Variants in ATRNL1 observed in about 807,000 individuals in gnomAD.
ATRNL1 encodes attractin-like protein 1.
Under a neutral mutation model 182.7 loss-of-function variants are expected in ATRNL1, and 95 were observed. The ratio of observed to expected loss-of-function variants is 0.52; its 90% confidence interval spans 0.44 to 0.62. The LOEUF (loss-of-function observed/expected upper bound fraction) is 0.62. ATRNL1 is among the 20% of genes least tolerant of loss of function. The probability of loss-of-function intolerance (pLI) is 0.00; values close to 1 mark genes in which losing one functional copy is unlikely to be tolerated. For synonymous variants in ATRNL1, 576 were observed against 568.3 expected (o/e 1.01, Z -0.19); for missense variants, 1,471 against 1,679.5 (o/e 0.88, Z 2.17).
intron 10 of ATRNL1, among the ~76,000 whole-genome samples, chr10:115,257,303 T>G (rs1211833675): frequency 6.6e-6 from 1 of 152,208 alleles, no homozygotes; most frequent in Non-Finnish European, 1.5e-5. Context: ...TTTATCAGTC[T>G]GGGTGCTCCT....
rs1265012490 is a variant in ATRNL1 at position 115,469,239 on chromosome 10, T to C, written c.3564T>C (p.Ser1188=). ...SKNNIKEYRD[S]FSYEKFNFRS... is the part of the protein sequence containing the mutation. ...ATAATATAAAGGAATACAGAGATAG[T>C]TTTTCCTATGAAAAATTTAACTTTA... The change falls in exon 24 of 29, where the codon AGT becomes AGC. Residue 1188 remains serine, a synonymous_variant. Transcript: ENST00000355044. The C allele has an allele frequency of 1.3e-6, 2 of 1,494,254 alleles. No individual in the cohort carries two copies. The highest frequency in any genetic ancestry group is 1.8e-6 in the Non-Finnish European group (2 of 1,107,442). The allele number at this position is 1,494,254 out of a possible 1,614,324, so 92.6% of individuals were successfully genotyped here.
At chr10:115,395,221 T>A (rs1554955259) in intron 20 of ATRNL1, among the ~76,000 whole-genome samples, 1 of 152,002 alleles carries the variant, frequency 6.6e-6, no homozygotes. Context: ...CCATGGTGTA[T>A]GTGGACCACA....
intron 25 of ATRNL1, among the ~76,000 whole-genome samples, chr10:115,538,482 A>G (rs1466804955): frequency 6.6e-6 from 1 of 152,036 alleles, no homozygotes; most frequent in Non-Finnish European, 1.5e-5. Flanking sequence ...CTTATTAGTT[A>G]TACTTTCATT....
intron 28 of ATRNL1, among the ~76,000 whole-genome samples, chr10:115,932,179 A>G (rs1011259592): frequency 6.6e-6 from 1 of 152,216 alleles, no homozygotes; most frequent in Non-Finnish European, 1.5e-5. Context: ...TCAGATTCTC[A>G]AAATTGCTTC....
intron 5 of ATRNL1, among the ~76,000 whole-genome samples, chr10:115,155,660 C>T (rs1403106150): frequency 1.3e-5 from 2 of 151,994 alleles, no homozygotes; most frequent in Non-Finnish European, 2.9e-5. Context: ...TATACTGAGG[C>T]TAATCATTAG....
At chr10:115,267,153 A>T (rs1851642262) in intron 12 of ATRNL1, 148 bp downstream of exon 12, 2 of 569,388 alleles carry the variant, frequency 3.5e-6, no homozygotes, top group East Asian at 5.7e-5. Flanking sequence ...GTTTGAACCT[A>T]GTGATTAATA....
intron 26 of ATRNL1, among the ~76,000 whole-genome samples, chr10:115,632,595 AC>A (rs1858584722): frequency 6.6e-6 from 1 of 152,156 alleles, no homozygotes; most frequent in Non-Finnish European, 1.5e-5. Context: ...TTGACAAGCA[AC>A]CTAATTTTAC....
intron 21 of ATRNL1, among the ~76,000 whole-genome samples, chr10:115,450,409 C>T (rs1449213147): frequency 3.3e-5 from 5 of 152,158 alleles, no homozygotes; most frequent in African/African-American, 1.2e-4. Context: ...AAGGCTCCTT[C>T]AACTTTTAAA....
chr10:115,683,386 A>C (rs938213710), intron 26 of ATRNL1, among the ~76,000 whole-genome samples: 4 of 151,918 alleles, frequency 2.6e-5, no homozygotes, highest in African/African-American at 9.7e-5. Context: ...TTAATTTCTC[A>C]AACATTAAGT....
intron 25 of ATRNL1, among the ~76,000 whole-genome samples, chr10:115,524,141 T>C (rs560867593): frequency 1.3e-5 from 2 of 152,278 alleles, no homozygotes; most frequent in South Asian, 4.1e-4. Flanking sequence ...CCAGCTGTCA[T>C]GGGAACATGA....
intron 21 of ATRNL1, among the ~76,000 whole-genome samples, chr10:115,452,737 A>T (rs1847338868): frequency 1.3e-5 from 2 of 152,154 alleles, no homozygotes; most frequent in African/African-American, 4.8e-5. Context: ...TTTTAAAAAT[A>T]TACAATACAG....
chr10:115,165,779 A>T (rs1592198552), intron 7 of ATRNL1, 134 bp downstream of exon 7: 1 of 419,056 alleles, frequency 2.4e-6, no homozygotes, highest in Non-Finnish European at 4.2e-6. Context: ...TGATAACTTG[A>T]GATACCACAT....
chr10:115,238,726 A>G (rs954084739), intron 9 of ATRNL1, among the ~76,000 whole-genome samples: 1 of 152,104 alleles, frequency 6.6e-6, no homozygotes, highest in Non-Finnish European at 1.5e-5. Flanking sequence ...CCCAATCTGT[A>G]TATCTTTTAT....
At chr10:115,854,277 C>T (rs1255294286) in intron 28 of ATRNL1, among the ~76,000 whole-genome samples, 2 of 152,224 alleles carry the variant, frequency 1.3e-5, no homozygotes, top group Non-Finnish European at 2.9e-5. Flanking sequence ...TCTCGCATCT[C>T]TGTAGTGTTT....
chr10:115,307,639 G>A (rs1393985105), intron 17 of ATRNL1, among the ~76,000 whole-genome samples: 3 of 152,114 alleles, frequency 2.0e-5, no homozygotes, highest in Non-Finnish European at 4.4e-5. Flanking sequence ...AGGAGACTTT[G>A]TATTTCTGAA....
intron 28 of ATRNL1, among the ~76,000 whole-genome samples, chr10:115,926,362 G>A (rs1555120124): frequency 1.3e-5 from 2 of 152,006 alleles, no homozygotes; most frequent in African/African-American, 2.4e-5. Flanking sequence ...AGAGAGGCAA[G>A]AGCAAACTAA....
At chr10:115,405,500 T>C (rs1844774014) in intron 20 of ATRNL1, among the ~76,000 whole-genome samples, 1 of 152,220 alleles carries the variant, frequency 6.6e-6, no homozygotes, top group East Asian at 1.9e-4. Context: ...TTTTTTGTCT[T>C]GTTTTGGCAA....
intron 9 of ATRNL1, among the ~76,000 whole-genome samples, chr10:115,225,117 T>C (rs1554898360): frequency 1.3e-5 from 2 of 152,024 alleles, no homozygotes; most frequent in African/African-American, 4.8e-5. Context: ...ATTCCAGCAA[T>C]TTAGAAAGAA....
chr10:115,178,346 T>A (rs1176771625), intron 8 of ATRNL1, among the ~76,000 whole-genome samples: 1 of 152,300 alleles, frequency 6.6e-6, no homozygotes, highest in Non-Finnish European at 1.5e-5. Flanking sequence ...AAATGTTTAA[T>A]GAAGAAATCA....
Sources: allele counts gnomAD v4.1 joint callset (sites outside exome capture counted in the v4.1 genomes callset), GRCh38; gene constraint gnomAD v4.1.1; transcripts MANE v1.5; gene names NCBI Gene and HGNC (gene_info 2026-07-23, HGNC 2026-07-21).